Variants in KIAA1755 observed in about 807,000 individuals in gnomAD.
KIAA1755 encodes the protein KIAA1755.
A neutral mutation model predicts 91.7 loss-of-function variants in KIAA1755; 68 were observed. The ratio of observed to expected loss-of-function variants is 0.74; its 90% CI spans 0.61 to 0.91. The LOEUF (loss-of-function observed/expected upper bound fraction) is 0.91, where lower values mean the gene tolerates loss of function less well. Among genes scored for constraint, KIAA1755 ranks in the 40% least tolerant of loss-of-function variants. KIAA1755 has a pLI of 0.00. For missense variants in KIAA1755, 1,535 were observed against 1,494.4 expected (o/e 1.03, Z -0.45); for synonymous variants, 610 against 604.6 (o/e 1.01, Z -0.13).
At chr20:38,231,696 T>A (rs534259720) in intron 4 of KIAA1755, among the ~76,000 whole-genome samples, 73 of 152,146 alleles carry the variant, frequency 4.8e-4, no homozygotes, top group Non-Finnish European at 9.8e-4. Flanking sequence ...CCTCATCTGT[T>A]AAACAGGGAG....
At chr20:38,214,481 A>G (rs6127466) in intron 13 of KIAA1755, among the ~76,000 whole-genome samples, 55,568 of 152,108 alleles carry the variant, frequency 0.37, 11,407 homozygotes, top group Non-Finnish European at 0.46. Context: ...CTCAGGCAGG[A>G]TTGCACTGAA....
chr20:38,259,820 C>CCACCACACACACA (rs1555833571), intron 1 of KIAA1755, among the ~76,000 whole-genome samples: 3 of 138,696 alleles, frequency 2.2e-5, no homozygotes, highest in Non-Finnish European at 3.0e-5. Flanking sequence ...ACCACCACCA[C>CCACCACACACACA]CACACACACA....
chr20:38,242,066 T>A, intron 2 of KIAA1755, 137 bp from the exon 3 acceptor site: 1 of 852,708 alleles, frequency 1.2e-6, no homozygotes, highest in Non-Finnish European at 1.8e-6. Context: ...AGGCACTCAC[T>A]GTCAAGGTTG....
Position 38,241,160 on chromosome 20 carries a change from G to A in KIAA1755, c.971C>T (p.Ser324Leu), listed in dbSNP as rs766882842. The change falls in exon 3 of 14, where the codon TCA (serine) becomes TTA (leucine). Residue 324 changes from serine to leucine, a missense_variant. Ser to Leu is a moderately radical substitution (Grantham distance 145). Coordinates refer to ENST00000279024, the MANE Select transcript of KIAA1755 (RefSeq NM_001029864.2). ...CAAGGAAGGTCCTTCATTGGCCTCT[G>A]AGAGAGGCAGTATCTTTTGAAATAA... Reference protein sequence around the residue: ...TPLFQKILPLSEANEGPSLGN... With the variant: ...TPLFQKILPLLEANEGPSLGN... 1.2e-6 allele frequency: 2 copies of A among 1,614,132 alleles called. No individual in the cohort carries two copies. Among genetic ancestry groups the A allele is most frequent in the East Asian group, 4.5e-5 (2 of 44,886 alleles).
intron 1 of KIAA1755, among the ~76,000 whole-genome samples, chr20:38,248,267 A>G (rs1398440587): frequency 6.6e-6 from 1 of 152,210 alleles, no homozygotes. Context: ...TGACAACGGA[A>G]GCAGGATCAG....
intron 5 of KIAA1755, among the ~76,000 whole-genome samples, chr20:38,228,986 A>G (rs534313351): frequency 6.6e-6 from 1 of 152,166 alleles, no homozygotes. Context: ...TAAAATACAG[A>G]TTCCTCACCC....
chr20:38,248,708 A>G (rs898405270), intron 1 of KIAA1755, among the ~76,000 whole-genome samples: 1 of 149,470 alleles, frequency 6.7e-6, no homozygotes, highest in South Asian at 2.1e-4. Flanking sequence ...TATTATTATT[A>G]TTATTTTTGA....
chr20:38,217,079 G>T, intron 13 of KIAA1755, 174 bp downstream of exon 13: 1 of 644,172 alleles, frequency 1.6e-6, no homozygotes, highest in Admixed American at 2.3e-5. Flanking sequence ...CCAGCCAGGG[G>T]ATGGGGGTGG....
chr20:38,217,829 G>C (rs1387040252), intron 12 of KIAA1755: 14 of 430,506 alleles, frequency 3.3e-5, no homozygotes. Flanking sequence ...TTCCCTGTTT[G>C]TCCCCGCCCC....
At chr20:38,229,154 A>G (rs2075817032) in intron 5 of KIAA1755, among the ~76,000 whole-genome samples, 2 of 152,246 alleles carry the variant, frequency 1.3e-5, no homozygotes, top group Admixed American at 1.3e-4. Flanking sequence ...CACTCAGTGC[A>G]CAGACAAAAC....
intron 13 of KIAA1755, among the ~76,000 whole-genome samples, chr20:38,214,111 C>T (rs921803728): frequency 2.0e-5 from 3 of 152,106 alleles, no homozygotes; most frequent in Admixed American, 1.3e-4. Context: ...GCTGCCATGC[C>T]CAGCTAATTT....
rs376943262 is a variant in KIAA1755 at position 38,223,559 on chromosome 20, G to T, written c.2247C>A (p.Ala749=). Residue 749 remains alanine, a synonymous_variant, in exon 9 of 14, where the codon GCC becomes GCA. Transcript: ENST00000279024. ...TCACCTGCATCCCCCCAGGGGGGTC[G>T]GCCTTCTCGAATTCCTCGATGGAAG... ...LQASIEEFEK[A]DPPGGMQEAT... The T allele has an allele frequency of 6.3e-7, 1 of 1,597,070 alleles. No individual in the cohort carries two copies.
At chr20:38,215,098 T>A (rs1444130655) in intron 13 of KIAA1755, among the ~76,000 whole-genome samples, 1 of 152,212 alleles carries the variant, frequency 6.6e-6, no homozygotes, top group Non-Finnish European at 1.5e-5. Flanking sequence ...GGCTGTCCCA[T>A]CATCTGTCTG....
At chr20:38,252,172 C>G (rs1600658235) in intron 1 of KIAA1755, among the ~76,000 whole-genome samples, 1 of 152,196 alleles carries the variant, frequency 6.6e-6, no homozygotes, top group Admixed American at 6.5e-5. Flanking sequence ...TCTAGACACA[C>G]AAGGAGCTAA....
At chr20:38,238,211 C>T (rs1352275112) in intron 4 of KIAA1755, among the ~76,000 whole-genome samples, 1 of 152,126 alleles carries the variant, frequency 6.6e-6, no homozygotes, top group Non-Finnish European at 1.5e-5. Flanking sequence ...CATGATGGCC[C>T]TAAGAGGATC....
intron 11 of KIAA1755, 57 bp from the exon 12 acceptor site, chr20:38,218,423 C>T (rs1028812203): frequency 3.7e-6 from 6 of 1,602,036 alleles, no homozygotes; most frequent in Non-Finnish European, 5.1e-6. Flanking sequence ...CTCCCTTGTC[C>T]AGCTCCCCCA....
chr20:38,248,279 G>C (rs1470961187), intron 1 of KIAA1755, among the ~76,000 whole-genome samples: 1 of 152,160 alleles, frequency 6.6e-6, no homozygotes, highest in Non-Finnish European at 1.5e-5. Context: ...CAGGATCAGA[G>C]AGATGTGATG....
intron 8 of KIAA1755, 33 bp downstream of exon 8, chr20:38,225,632 G>A: frequency 7.8e-7 from 1 of 1,284,886 alleles, no homozygotes; most frequent in Non-Finnish European, 1.1e-6. Context: ...GAAGGAGTGG[G>A]GGTCAGGGGC....
intron 4 of KIAA1755, among the ~76,000 whole-genome samples, chr20:38,238,394 T>C (rs1253616167): frequency 6.6e-6 from 1 of 152,208 alleles, no homozygotes; most frequent in Non-Finnish European, 1.5e-5. Context: ...GGACAATCAG[T>C]CTCCAGAAAG....
Sources: gnomAD v4.1 joint callset for allele counts (sites outside exome capture counted in the v4.1 genomes callset) on GRCh38, gnomAD v4.1.1 for gene constraint, MANE v1.5 for transcripts, NCBI Gene and HGNC (gene_info 2026-07-23, HGNC 2026-07-21) for gene names.